FAM110A: variants seen among roughly 807,000 people sequenced by gnomAD.
The protein encoded by FAM110A is protein FAM110A.
In FAM110A, 1 loss-of-function variant was observed where a neutral mutation model predicts 4.0. That is an observed-to-expected ratio of 0.25 (90% CI 0.09 to 1.20). The LOEUF is 1.20. FAM110A is among the 50% of genes most tolerant of loss of function. FAM110A has a pLI of 0.50. For missense variants in FAM110A, 436 were observed against 429.2 expected, an observed-to-expected ratio of 1.02 and a Z score of -0.14; for synonymous variants, 217 against 196.8, an observed-to-expected ratio of 1.10 and a Z score of -0.86.
At chr20:839,025 C>T (rs891541147) in intron 1 of FAM110A, among the ~76,000 whole-genome samples, 1 of 152,120 alleles carries the variant, frequency 6.6e-6, no homozygotes, top group Admixed American at 6.5e-5. Context: ...AACCGAGACT[C>T]AGAACCATGA....
intron 1 of FAM110A, among the ~76,000 whole-genome samples, chr20:837,056 T>G (rs997367112): frequency 7.1e-6 from 1 of 141,658 alleles, no homozygotes; most frequent in African/African-American, 2.7e-5. Flanking sequence ...TTTTTTTTTT[T>G]TTTTTTTTTT....
chr20:844,414 C>G (rs1441039698), intron 1 of FAM110A, among the ~76,000 whole-genome samples: 1 of 140,818 alleles, frequency 7.1e-6, no homozygotes, highest in Non-Finnish European at 1.5e-5. Flanking sequence ...TAGCGCGTGC[C>G]TTGCCCTGTC....
At chr20:843,447 C>G (rs1312845430) in intron 1 of FAM110A, among the ~76,000 whole-genome samples, 3 of 152,182 alleles carry the variant, frequency 2.0e-5, no homozygotes, top group Non-Finnish European at 2.9e-5. Context: ...ACTTGAAATG[C>G]CACTAGTGTA....
chr20:835,229 T>TAC (rs1431853765), intron 1 of FAM110A, among the ~76,000 whole-genome samples: 4 of 150,160 alleles, frequency 2.7e-5, no homozygotes, highest in African/African-American at 7.4e-5. Context: ...CACACATATA[T>TAC]ACACACACAC....
chr20:845,594 G>C lies in FAM110A; in HGVS notation c.790G>C (p.Val264Leu). Residue 264 changes from valine to leucine, a missense_variant, in exon 2 of 2, where the codon GTT (valine) becomes CTT (leucine). Coordinates refer to ENST00000381941, the MANE Select transcript of FAM110A (RefSeq NM_001042353.3). ...TGTTGAGGAGCGGGCCCGGGAGCGC[G>C]TTCCCTATGGCGTGTCGGTGGTGGA... is the stretch of plus-strand genomic sequence containing the variant. ...VTVEERARER[V>L]PYGVSVVERN... 6.2e-7 allele frequency: 1 copy of C among 1,614,042 alleles called. No homozygotes were observed. The highest frequency in any genetic ancestry group is 8.5e-7 in the Non-Finnish European group (1 of 1,180,014).
rs962737356 is a variant in FAM110A, at chr20:840,113, T to C, written c.-97-4595T>C. 17 of 648,444 alleles carry C rather than the reference T, an allele frequency of 2.6e-5. No individual in the cohort carries two copies. The highest frequency in any genetic ancestry group is 4.2e-5 in the Non-Finnish European group (15 of 358,610). The allele number at this position is 648,444 out of a possible 1,614,324, so 40.2% of individuals were successfully genotyped here. On this transcript the variant is annotated intron_variant, in intron 1 of 1. Coordinates refer to ENST00000381941, the MANE Select transcript of FAM110A (RefSeq NM_001042353.3). This position sits in a 1 kb window ranked among gnomAD's most constrained non-coding sequence, Gnocchi z 4.4. ...AGGAGCCTTCCCTCCCCATCCCCCATTTCTGCCTCCGTGGAGGGCTAGGCA... is the reference window on the plus strand; with the variant it reads ...AGGAGCCTTCCCTCCCCATCCCCCACTTCTGCCTCCGTGGAGGGCTAGGCA...
At chr20:844,644 C>T (rs970723195) in intron 1 of FAM110A, 64 bp from the exon 2 acceptor site, 4 of 1,191,572 alleles carry the variant, frequency 3.4e-6, no homozygotes, top group Non-Finnish European at 4.3e-6. Context: ...CTCTCAGCCG[C>T]GGCTGAGCCT....
chr20:836,693 C>T (rs1979592714), intron 1 of FAM110A, among the ~76,000 whole-genome samples: 2 of 152,234 alleles, frequency 1.3e-5, no homozygotes, highest in South Asian at 4.1e-4. Flanking sequence ...GTTTGAGTTC[C>T]TGTTTTTAAT....
At position 845,821 on chromosome 20, in the gene FAM110A, G is replaced by A. The variant is rs1047798163; in HGVS notation, c.*129G>A. Reference sequence around the variant, plus strand: ...ACCCTGTTGTGAACTTGGTATGGAGGCAAAGGCTTAGAGGCTGGACCAGCA... The same window carrying A: ...ACCCTGTTGTGAACTTGGTATGGAGACAAAGGCTTAGAGGCTGGACCAGCA... On this transcript the variant is annotated 3_prime_UTR_variant, in exon 2 of 2. Coordinates refer to ENST00000381941, the MANE Select transcript of FAM110A (RefSeq NM_001042353.3). The A allele has an allele frequency of 4.1e-6, 6 of 1,479,004 alleles. No homozygotes were observed. The Admixed American group carries it at 1.3e-4, about 31-fold the overall frequency. 91.6% of individuals were successfully genotyped at this position (1,479,004 alleles called of 1,614,324 possible).
rs538094 is a variant in FAM110A at position 845,035 on chromosome 20, T to C, written c.231T>C (p.Phe77=). 0.86 allele frequency: 1,370,203 copies of C among 1,592,118 alleles called. 590,746 individuals carry two copies. Among genetic ancestry groups the C allele is most frequent in the Admixed American group, 0.89 (50,562 of 57,080 alleles). Residue 77 remains phenylalanine, a synonymous_variant, in exon 2 of 2, where the codon TTT becomes TTC. Coordinates refer to ENST00000381941, the MANE Select transcript of FAM110A (RefSeq NM_001042353.3). Reference sequence around the variant, plus strand: ...CCCTGCTGTCCAAACAGCCGCTCTTTAGCCCTGAGACTCGCCGCACAGTGC... The same window carrying C: ...CCCTGCTGTCCAAACAGCCGCTCTTCAGCCCTGAGACTCGCCGCACAGTGC... The part of the protein sequence containing the change: ...VQPLLSKQPL[F]SPETRRTVLT...
At position 840,255 on chromosome 20, in the gene FAM110A, G is replaced by T. The variant is rs1432598750; in HGVS notation, c.-97-4453G>T. Among the ~76,000 whole-genome samples, 2 of 152,116 alleles carry T rather than the reference G, an allele frequency of 1.3e-5. No homozygotes were observed. The highest frequency in any genetic ancestry group is 2.4e-5 in the African/African-American group (1 of 41,418). On this transcript the variant is annotated intron_variant, in intron 1 of 1. Coordinates refer to ENST00000381941, the MANE Select transcript of FAM110A (RefSeq NM_001042353.3). This position sits in a 1 kb window ranked among gnomAD's most constrained non-coding sequence, Gnocchi z 4.4. ...GGAAAGCTGATGTGCATCACTGCCG[G>T]TCTCCTCATGCCCTGTACCCTAGTC...
intron 1 of FAM110A, among the ~76,000 whole-genome samples, chr20:843,876 A>C (rs979833985): frequency 6.6e-6 from 1 of 152,212 alleles, no homozygotes; most frequent in Non-Finnish European, 1.5e-5. Flanking sequence ...GCCTCCATGC[A>C]GGGCTGTGTG....
chr20:844,578 T>G, intron 1 of FAM110A, 130 bp from the exon 2 acceptor site: 1 of 513,852 alleles, frequency 1.9e-6, no homozygotes, highest in Non-Finnish European at 3.0e-6. Context: ...TGCCTGCTGA[T>G]TGGCTCCTTG....
intron 1 of FAM110A, among the ~76,000 whole-genome samples, chr20:838,462 G>C (rs1979699101): frequency 6.6e-6 from 1 of 152,214 alleles, no homozygotes; most frequent in African/African-American, 2.4e-5. Flanking sequence ...TTGGAAGGGT[G>C]TGATGGAGCT....
chr20:845,833 A>G lies in FAM110A; in HGVS notation c.*141A>G. 1 of 1,458,814 alleles carries G rather than the reference A, an allele frequency of 6.9e-7. No individual in the cohort carries two copies. Among genetic ancestry groups the G allele is most frequent in the Non-Finnish European group, 9.1e-7 (1 of 1,101,286 alleles). 90.4% of individuals were successfully genotyped at this position (1,458,814 alleles called of 1,614,324 possible). On this transcript the variant is annotated 3_prime_UTR_variant, in exon 2 of 2. Transcript: ENST00000381941. ...ACTTGGTATGGAGGCAAAGGCTTAG[A>G]GGCTGGACCAGCATTGTTGGGCAAG...
chr20:838,366 T>G (rs1329645264), intron 1 of FAM110A, among the ~76,000 whole-genome samples: 1 of 152,214 alleles, frequency 6.6e-6, no homozygotes, highest in Admixed American at 6.6e-5. Flanking sequence ...TCTTGATGAG[T>G]GGCCTTGGCC....
chr20:842,929 A>C (rs1300949431), intron 1 of FAM110A, among the ~76,000 whole-genome samples: 1 of 152,026 alleles, frequency 6.6e-6, no homozygotes, highest in Admixed American at 6.5e-5. Context: ...ATTCTGCCCT[A>C]GTATGTGTCT....
intron 1 of FAM110A, among the ~76,000 whole-genome samples, chr20:841,113 G>A (rs1212563834): frequency 6.6e-6 from 1 of 152,190 alleles, no homozygotes; most frequent in Admixed American, 6.5e-5. Flanking sequence ...GAGCGGGTCG[G>A]ACCCAGTTCC....
In FAM110A at chr20:845,227, T is replaced by A. The variant is rs1181559492; in HGVS notation, c.423T>A (p.Pro141=). 13 of 1,534,590 alleles carry A rather than the reference T, an allele frequency of 8.5e-6. No individual in the cohort carries two copies. The highest frequency in any genetic ancestry group is 1.1e-5 in the Non-Finnish European group (13 of 1,142,996). The change falls in exon 2 of 2, where the codon CCT becomes CCA. Residue 141 remains proline, a synonymous_variant. Coordinates refer to ENST00000381941, the MANE Select transcript of FAM110A (RefSeq NM_001042353.3). ...CCGGCCGTCCTCCCCCAGCCACCCC[T>A]CCGCGACCGCCGCCCAGTACCTCTG... ...EGAGRPPPAT[P]PRPPPSTSAV...
Sources: gnomAD v4.1 joint callset for allele counts (sites outside exome capture counted in the v4.1 genomes callset) on GRCh38, gnomAD v4.1.1 for gene constraint, Gnocchi (gnomAD v3.1) non-coding constraint, MANE v1.5 for transcripts, NCBI Gene and HGNC (gene_info 2026-07-23, HGNC 2026-07-21) for gene names.